The following ZNF512 variants were observed in gnomAD, a reference collection of about 807,000 sequenced individuals.
ZNF512 encodes zinc finger protein 512.
ZNF512 carries 25 observed loss-of-function variants against 77.5 expected under a neutral mutation model. The observed-to-expected ratio is 0.32, with a 90% CI of 0.23 to 0.45. The LOEUF (loss-of-function observed/expected upper bound fraction) is 0.45, where lower values mean the gene tolerates loss of function less well. ZNF512 is among the 20% of genes least tolerant of loss of function. The pLI, the probability that ZNF512 is intolerant of heterozygous loss-of-function variation, is 1.00. For synonymous variants in ZNF512, 246 were observed against 239.9 expected (o/e 1.03, Z -0.24); for missense variants, 483 against 692.6 (o/e 0.70, Z 3.40).
At position 27,621,447 on chromosome 2, in the gene ZNF512, C is replaced by T. The variant is rs1230591851; in HGVS notation, c.1690C>T (p.Arg564Ter). The change falls in exon 14 of 14, where the codon CGA becomes TGA. Residue 564 changes from arginine to a stop codon, truncating the protein, a stop_gained. Transcript: ENST00000355467. LOFTEE classifies it high-confidence loss of function. ...AAAGCCCCCAAAGACTAATCATAAA[C>T]GAGGAAGGAAATAGGCAGTCAGTGT... ...KVKPPKTNHKRGRK is the reference protein window; with the variant it reads ...KVKPPKTNHK 15 of 1,610,108 alleles carry T rather than the reference C, an allele frequency of 9.3e-6. No individual in the cohort carries two copies. The highest frequency in any genetic ancestry group is 6.7e-5 in the Admixed American group (4 of 59,830).
intron 13 of ZNF512, among the ~76,000 whole-genome samples, chr2:27,620,038 G>C (rs180859022): frequency 1.3e-4 from 20 of 152,014 alleles, no homozygotes; most frequent in African/African-American, 4.8e-4. Context: ...TTTTAATCTA[G>C]AGCAGCACTA....
At chr2:27,614,537 C>G (rs559945272) in intron 10 of ZNF512, among the ~76,000 whole-genome samples, 2 of 152,030 alleles carry the variant, frequency 1.3e-5, no homozygotes, top group Admixed American at 1.3e-4. Flanking sequence ...TAAAATGATT[C>G]AAAATCCTAC....
rs199614081 is a variant in ZNF512 at position 27,602,488 on chromosome 2, T to G, written c.695T>G (p.Ile232Arg). The G allele has an allele frequency of 6.2e-7, 1 of 1,613,938 alleles. No homozygotes were observed. Among genetic ancestry groups the G allele is most frequent in the Non-Finnish European group, 8.5e-7 (1 of 1,179,962 alleles). ...CCCATTTTGAAAGCCGGAGATGAAATAGATGAGCCAAGTGAGAGGGAAAGG... is the reference window on the plus strand; with the variant it reads ...CCCATTTTGAAAGCCGGAGATGAAAGAGATGAGCCAAGTGAGAGGGAAAGG... Reference protein sequence around the residue: ...SLPILKAGDEIDEPSERERLR... With the variant: ...SLPILKAGDERDEPSERERLR... Residue 232 changes from isoleucine (I) to arginine (R), a missense_variant, in exon 8 of 14, where the codon ATA becomes AGA. Transcript: ENST00000355467.
intron 8 of ZNF512, 66 bp from the exon 9 acceptor site, chr2:27,603,074 T>C: frequency 6.3e-7 from 1 of 1,576,864 alleles, no homozygotes; most frequent in Admixed American, 1.8e-5. Context: ...TTTATGGCTG[T>C]TTAGAAATTT....
intron 10 of ZNF512, among the ~76,000 whole-genome samples, chr2:27,612,177 C>T (rs1204226192): frequency 1.3e-5 from 2 of 152,068 alleles, no homozygotes; most frequent in Non-Finnish European, 2.9e-5. Flanking sequence ...TTTTGCTGCT[C>T]AATGTGTCCT....
intron 7 of ZNF512, 66 bp downstream of exon 7, chr2:27,601,508 T>G (rs1672112959): frequency 7.4e-7 from 1 of 1,352,418 alleles, no homozygotes; most frequent in South Asian, 1.2e-5. Context: ...GGAGTCTCAC[T>G]CTGTTGCCCA....
chr2:27,613,820 C>G (rs1157635433), intron 10 of ZNF512, among the ~76,000 whole-genome samples: 2 of 151,904 alleles, frequency 1.3e-5, no homozygotes, highest in Non-Finnish European at 2.9e-5. Context: ...TTTTTTATAG[C>G]TGGATAGTAC....
intron 2 of ZNF512, among the ~76,000 whole-genome samples, chr2:27,593,770 C>T (rs1572908908): frequency 6.9e-6 from 1 of 145,832 alleles, no homozygotes; most frequent in Non-Finnish European, 1.5e-5. Context: ...GCCTTAGTAT[C>T]TTTCTTTCTT....
Position 27,617,461 on chromosome 2 carries a change from T to C in ZNF512, c.1297-12T>C. 1 of 1,156,530 alleles carries C rather than the reference T, an allele frequency of 8.6e-7. No individual in the cohort carries two copies. The highest frequency in any genetic ancestry group is 1.9e-4 in the Middle Eastern group (1 of 5,196). 71.6% of individuals were successfully genotyped at this position (1,156,530 alleles called of 1,614,324 possible). A position where few individuals can be genotyped will look rare whatever the true frequency, so the allele number is the denominator to read the frequency against. On this transcript the variant is annotated splice_polypyrimidine_tract_variant and intron_variant, in intron 12 of 13. Transcript: ENST00000355467. Reference sequence around the variant, plus strand: ...TACCAGTAATTCTTTTTTGTTTCTCTCTTGGAAATAGGGAAACTTTGTGGC... The same window carrying C: ...TACCAGTAATTCTTTTTTGTTTCTCCCTTGGAAATAGGGAAACTTTGTGGC...
Position 27,598,247 on chromosome 2 carries a change from T to C in ZNF512, c.270T>C (p.His90=). ...MRRIKPAATS[H]VEGSGGVSAK... is the part of the protein sequence containing the mutation. Reference sequence around the variant, plus strand: ...GAATCAAGCCAGCTGCTACTTCTCATGTCGAAGGTATCAATATCAGTGTCT... The same window carrying C: ...GAATCAAGCCAGCTGCTACTTCTCACGTCGAAGGTATCAATATCAGTGTCT... The change falls in exon 3 of 14, where the codon CAT becomes CAC. Residue 90 remains histidine (H), a synonymous_variant. Transcript: ENST00000355467. The C allele has an allele frequency of 6.2e-7, 1 of 1,612,198 alleles. No homozygotes were observed.
chr2:27,597,367 C>T (rs1178136743), intron 2 of ZNF512, among the ~76,000 whole-genome samples: 1 of 152,222 alleles, frequency 6.6e-6, no homozygotes, highest in African/African-American at 2.4e-5. Context: ...CCATTGACCA[C>T]TCTTGGAGAA....
intron 3 of ZNF512, among the ~76,000 whole-genome samples, chr2:27,598,643 AAG>A (rs1671979838): frequency 6.6e-6 from 1 of 152,100 alleles, no homozygotes; most frequent in African/African-American, 2.4e-5. Flanking sequence ...AAAAAAAAAA[AAG>A]AGTATGAAAT....
At chr2:27,600,148 C>T in intron 5 of ZNF512, 95 bp downstream of exon 5, 4 of 1,379,582 alleles carry the variant, frequency 2.9e-6, no homozygotes, top group Non-Finnish European at 4.0e-6. Context: ...TAAAGCATTT[C>T]TTTAAGGAGG....
intron 2 of ZNF512, among the ~76,000 whole-genome samples, chr2:27,588,443 T>A (rs2148002564): frequency 6.6e-6 from 1 of 152,110 alleles, no homozygotes; most frequent in East Asian, 1.9e-4. Flanking sequence ...TCATTTAGAG[T>A]TAATTTCTGT....
intron 2 of ZNF512, among the ~76,000 whole-genome samples, chr2:27,586,029 C>G (rs554681928): frequency 6.6e-6 from 1 of 152,218 alleles, no homozygotes; most frequent in East Asian, 1.9e-4. Flanking sequence ...GATTTAATCT[C>G]CAAGAGTTAA....
intron 2 of ZNF512, among the ~76,000 whole-genome samples, chr2:27,594,731 C>T (rs1016057090): frequency 4.6e-5 from 7 of 152,066 alleles, no homozygotes; most frequent in African/African-American, 1.4e-4. Flanking sequence ...GATGGGGTGG[C>T]GGCCGGGCAG....
chr2:27,606,916 G>A (rs774525503), intron 9 of ZNF512, among the ~76,000 whole-genome samples: 1 of 152,146 alleles, frequency 6.6e-6, no homozygotes, highest in Non-Finnish European at 1.5e-5. Flanking sequence ...AGTTGCAGGA[G>A]TTCCTTTCCT....
At chr2:27,601,319 G>T in intron 6 of ZNF512, 37 bp from the exon 7 acceptor site, 1 of 1,487,054 alleles carries the variant, frequency 6.7e-7, no homozygotes, top group Non-Finnish European at 9.3e-7. Context: ...GTTTCTCTGT[G>T]GAACAACCTA....
intron 2 of ZNF512, among the ~76,000 whole-genome samples, chr2:27,591,030 T>C (rs1420917556): frequency 6.6e-6 from 1 of 152,172 alleles, no homozygotes; most frequent in Non-Finnish European, 1.5e-5. Flanking sequence ...AAGATATTTC[T>C]TTTTCCTTTT....
Sources: allele counts gnomAD v4.1 joint callset (sites outside exome capture counted in the v4.1 genomes callset), GRCh38; gene constraint gnomAD v4.1.1; transcripts MANE v1.5; gene names NCBI Gene and HGNC (gene_info 2026-07-23, HGNC 2026-07-21).